The following PLA2G4A variants were observed in gnomAD, a reference collection of about 807,000 sequenced individuals.
PLA2G4A encodes the protein cytosolic phospholipase A2.
In PLA2G4A, 40 loss-of-function variants were observed where a neutral mutation model predicts 81.9. That is an observed-to-expected ratio of 0.49 (90% CI 0.38 to 0.64). The LOEUF (loss-of-function observed/expected upper bound fraction) is 0.64. Ranked by LOEUF, PLA2G4A falls within the 30% of genes least tolerant of loss-of-function variation. The pLI, the probability that PLA2G4A is intolerant of heterozygous loss-of-function variation, is 0.00. For synonymous variants in PLA2G4A, 302 were observed against 296.9 expected (o/e 1.02, Z -0.18); for missense variants, 715 against 905.1 (o/e 0.79, Z 2.69).
chr1:186,876,594 G>A (rs1000696259), intron 3 of PLA2G4A, among the ~76,000 whole-genome samples: 7 of 152,076 alleles, frequency 4.6e-5, no homozygotes, highest in African/African-American at 1.4e-4. Context: ...GCATCAACCC[G>A]TCTGTTAAAT....
intron 15 of PLA2G4A, among the ~76,000 whole-genome samples, chr1:186,967,252 T>G (rs958143474): frequency 2.0e-5 from 3 of 152,156 alleles, no homozygotes; most frequent in Non-Finnish European, 2.9e-5. Context: ...TATCTATTTT[T>G]GGGGTAGTAA....
intron 13 of PLA2G4A, among the ~76,000 whole-genome samples, chr1:186,952,341 TA>T (rs1656588584): frequency 2.6e-5 from 4 of 152,178 alleles, no homozygotes; most frequent in African/African-American, 4.8e-5. Context: ...TACAGCATGA[TA>T]TGTAGTATGT....
intron 2 of PLA2G4A, among the ~76,000 whole-genome samples, chr1:186,868,030 G>C (rs1031810281): frequency 6.8e-6 from 1 of 147,368 alleles, no homozygotes; most frequent in African/African-American, 2.5e-5. Flanking sequence ...AACCAGCCTT[G>C]TGTATCTGAC....
chr1:186,977,928 T>C, intron 16 of PLA2G4A, 140 bp downstream of exon 16: 1 of 691,670 alleles, frequency 1.4e-6, no homozygotes, highest in Non-Finnish European at 2.6e-6. Flanking sequence ...ATAGATACTA[T>C]TCTGAGACCT....
chr1:186,833,055 T>C (rs1268422369), intron 1 of PLA2G4A, among the ~76,000 whole-genome samples: 1 of 152,166 alleles, frequency 6.6e-6, no homozygotes, highest in African/African-American at 2.4e-5. Context: ...AGAGACATCC[T>C]GGCCTGAATC....
At chr1:186,887,863 A>G (rs1215244035) in intron 3 of PLA2G4A, among the ~76,000 whole-genome samples, 1 of 152,212 alleles carries the variant, frequency 6.6e-6, no homozygotes, top group Non-Finnish European at 1.5e-5. Flanking sequence ...TAGATTATGC[A>G]AAGAAACTGA....
At position 186,988,519 on chromosome 1, in the gene PLA2G4A, G is replaced by A; in HGVS notation, c.*11G>A. The A allele has an allele frequency of 6.2e-7, 1 of 1,609,066 alleles. No individual in the cohort carries two copies. The highest frequency in any genetic ancestry group is 1.7e-4 in the Middle Eastern group (1 of 6,030). ...AAACCCAAAGCATAGTTCATGTACT[G>A]GAAATGGCAGCAGTTTCTGATGCTG... On this transcript the variant is annotated 3_prime_UTR_variant, in exon 18 of 18. Transcript: ENST00000367466.
chr1:186,956,696 TAG>T (rs1361219827), intron 14 of PLA2G4A, among the ~76,000 whole-genome samples: 1 of 152,078 alleles, frequency 6.6e-6, no homozygotes, highest in African/African-American at 2.4e-5. Flanking sequence ...GTAGTTTTTG[TAG>T]AGACAGGTTT....
intron 6 of PLA2G4A, among the ~76,000 whole-genome samples, chr1:186,907,554 A>G (rs868401717): frequency 2.0e-5 from 3 of 152,330 alleles, no homozygotes; most frequent in Middle Eastern, 3.4e-3. Context: ...ATTTTAGGGT[A>G]GGCAAGTCTG....
chr1:186,882,624 G>A (rs1653778453), intron 3 of PLA2G4A, among the ~76,000 whole-genome samples: 1 of 152,032 alleles, frequency 6.6e-6, no homozygotes, highest in African/African-American at 2.4e-5. Flanking sequence ...GGTTGGGAGG[G>A]AGCCTTTAAG....
intron 14 of PLA2G4A, among the ~76,000 whole-genome samples, chr1:186,963,774 C>T (rs1310506338): frequency 6.6e-6 from 1 of 152,172 alleles, no homozygotes; most frequent in Non-Finnish European, 1.5e-5. Context: ...ACTTTGTTAA[C>T]TGTAGAACGT....
intron 1 of PLA2G4A, among the ~76,000 whole-genome samples, chr1:186,844,773 A>G (rs1194852069): frequency 6.6e-6 from 1 of 152,204 alleles, no homozygotes; most frequent in Non-Finnish European, 1.5e-5. Flanking sequence ...GTACCCTAAA[A>G]CTTAAAGTAT....
intron 1 of PLA2G4A, among the ~76,000 whole-genome samples, chr1:186,840,002 G>T (rs1446053287): frequency 2.9e-5 from 3 of 103,884 alleles, no homozygotes; most frequent in African/African-American, 4.0e-5. Flanking sequence ...TTGAGATGGA[G>T]TCTCATTCTG....
chr1:186,848,582 T>G (rs1390859494), intron 1 of PLA2G4A, among the ~76,000 whole-genome samples: 1 of 152,186 alleles, frequency 6.6e-6, no homozygotes, highest in East Asian at 1.9e-4. Context: ...GTTCTGAGGC[T>G]GCCTGAGATT....
At chr1:186,894,010 A>AT (rs1654242973) in intron 4 of PLA2G4A, 88 bp from the exon 5 acceptor site, 4 of 735,404 alleles carry the variant, frequency 5.4e-6, no homozygotes, top group Non-Finnish European at 7.6e-6. Context: ...TGAGAGCTTC[A>AT]TTTTTTTAAA....
intron 7 of PLA2G4A, among the ~76,000 whole-genome samples, chr1:186,920,521 G>C (rs1056667653): frequency 6.6e-6 from 1 of 152,208 alleles, no homozygotes; most frequent in Non-Finnish European, 1.5e-5. Context: ...GCTTGAGCCC[G>C]GTCCCCTTCA....
chr1:186,965,507 T>C lies in PLA2G4A; in HGVS notation c.1678T>C (p.Leu560=). The C allele has an allele frequency of 1.9e-6, 3 of 1,612,246 alleles. No individual in the cohort carries two copies. Among genetic ancestry groups the C allele is most frequent in the Non-Finnish European group, 2.5e-6 (3 of 1,178,218 alleles). ...GCTCACATTTAACCTGCCGTATCCC[T>C]TGATACTGAGACCTCAGAGAGGGGT... ...SGLTFNLPYP[L]ILRPQRGVDL... The change falls in exon 15 of 18, where the codon TTG becomes CTG. Residue 560 remains leucine (L), a synonymous_variant. Transcript: ENST00000367466.
chr1:186,982,362 G>A (rs779373836), intron 17 of PLA2G4A, among the ~76,000 whole-genome samples: 13 of 152,128 alleles, frequency 8.5e-5, no homozygotes, highest in South Asian at 4.1e-4. Flanking sequence ...CCACTTCCTC[G>A]TCTCTGAAAC....
chr1:186,960,738 C>T (rs370105872), intron 14 of PLA2G4A, among the ~76,000 whole-genome samples: 6 of 152,158 alleles, frequency 3.9e-5, no homozygotes, highest in African/African-American at 1.4e-4. Flanking sequence ...GCATAAGCCT[C>T]AATTTACTTA....
Sources: allele counts gnomAD v4.1 joint callset (sites outside exome capture counted in the v4.1 genomes callset), GRCh38; gene constraint gnomAD v4.1.1; transcripts MANE v1.5; gene names NCBI Gene and HGNC (gene_info 2026-07-23, HGNC 2026-07-21).